The following TTC7B variants were observed in gnomAD, a reference collection of about 807,000 sequenced individuals.
The protein encoded by TTC7B is tetratricopeptide repeat domain 7B, also known as tetratricopeptide repeat protein 7B.
TTC7B carries 28 observed loss-of-function variants against 106.8 expected under a neutral mutation model. The observed-to-expected ratio is 0.26, with a 90% confidence interval of 0.19 to 0.36. The LOEUF (loss-of-function observed/expected upper bound fraction) is 0.36, where lower values mean the gene tolerates loss of function less well. Ranked by LOEUF, TTC7B falls within the 10% of genes least tolerant of loss-of-function variation. The pLI, the probability that TTC7B is intolerant of heterozygous loss-of-function variation, is 1.00. For missense variants in TTC7B, 862 were observed against 1,076.4 expected (o/e 0.80, Z 2.79); for synonymous variants, 405 against 430.6 (o/e 0.94, Z 0.74).
intron 14 of TTC7B, among the ~76,000 whole-genome samples, chr14:90,645,573 C>T (rs1274126144): frequency 1.3e-5 from 2 of 152,200 alleles, no homozygotes; most frequent in African/African-American, 4.8e-5. Context: ...CTGCCACACC[C>T]ACAAGGCTCC....
chr14:90,799,307 G>T (rs2030100904), intron 1 of TTC7B, among the ~76,000 whole-genome samples: 1 of 152,174 alleles, frequency 6.6e-6, no homozygotes, highest in Admixed American at 6.6e-5. Flanking sequence ...GGGTCCTGGT[G>T]GCACTTTGCA....
chr14:90,549,866 A>C (rs1890002952), intron 19 of TTC7B, among the ~76,000 whole-genome samples: 1 of 152,202 alleles, frequency 6.6e-6, no homozygotes. Context: ...CAGATCGCCC[A>C]GCATATTTGT....
At chr14:90,771,037 G>A (rs1890846377) in intron 3 of TTC7B, among the ~76,000 whole-genome samples, 1 of 152,146 alleles carries the variant, frequency 6.6e-6, no homozygotes, top group South Asian at 2.1e-4. Context: ...TCTTCCAGTG[G>A]CTGGGGGTGG....
At chr14:90,643,825 C>T (rs1264794660) in intron 15 of TTC7B, among the ~76,000 whole-genome samples, 2 of 152,108 alleles carry the variant, frequency 1.3e-5, no homozygotes, top group African/African-American at 4.8e-5. Context: ...TCAGGTGATC[C>T]ACCCACCTCG....
chr14:90,656,781 T>C (rs1033314551), intron 11 of TTC7B, among the ~76,000 whole-genome samples: 9 of 152,188 alleles, frequency 5.9e-5, no homozygotes, highest in African/African-American at 2.2e-4. Flanking sequence ...AGCAAGACCC[T>C]GTCTCAAAAA....
chr14:90,609,398 A>T (rs1332302582), intron 17 of TTC7B, among the ~76,000 whole-genome samples: 1 of 152,226 alleles, frequency 6.6e-6, no homozygotes, highest in Non-Finnish European at 1.5e-5. Flanking sequence ...AATTTGGTAC[A>T]AGGGAGCCTA....
rs1892846733 is a variant in TTC7B, at chr14:90,610,919, T to C, written c.1869-80A>G. ...AAGAGAGGCAACCAATACTGACTCC[T>C]GAAGGCCAATGAATACTTTCTGTGC... is the stretch of plus-strand genomic sequence containing the variant. On this transcript the variant is annotated intron_variant, in intron 16 of 19. Coordinates refer to ENST00000328459, the MANE Select transcript of TTC7B (RefSeq NM_001010854.2). 6 of 884,086 alleles carry C rather than the reference T, an allele frequency of 6.8e-6. No individual in the cohort carries two copies. The Admixed American group carries it at 8.7e-5, about 13-fold the overall frequency. The allele number at this position is 884,086 out of a possible 1,614,324, so 54.8% of individuals were successfully genotyped here.
At position 90,807,741 on chromosome 14, in the gene TTC7B, G is replaced by A. The variant is rs1476403469; in HGVS notation, c.121+8434C>T. 6.6e-6 allele frequency among the ~76,000 whole-genome samples: 1 copy of A among 152,172 alleles called. No individual in the cohort carries two copies. Among genetic ancestry groups the A allele is most frequent in the Non-Finnish European group, 1.5e-5 (1 of 68,028 alleles). On this transcript the variant is annotated intron_variant, in intron 1 of 19. Transcript: ENST00000328459. The surrounding 1 kb of genome is among the most constrained non-coding windows in gnomAD (Gnocchi z 4.1). ...TGTAGATTTCCAGCTTCTACCTTGG[G>A]CCGAGAGAATCACCACCCTCAGCCA...
intron 9 of TTC7B, among the ~76,000 whole-genome samples, chr14:90,664,055 A>G (rs900556325): frequency 6.6e-6 from 1 of 152,168 alleles, no homozygotes; most frequent in Non-Finnish European, 1.5e-5. Flanking sequence ...CTGCCAAAAA[A>G]ATGCACCCAT....
chr14:90,772,046 C>T (rs1234397395), intron 3 of TTC7B, among the ~76,000 whole-genome samples: 2 of 148,596 alleles, frequency 1.3e-5, no homozygotes, highest in East Asian at 3.9e-4. Context: ...ATTTTCCAAA[C>T]AGCCTACACT....
intron 4 of TTC7B, among the ~76,000 whole-genome samples, chr14:90,744,078 C>T (rs1486845489): frequency 2.0e-5 from 3 of 152,252 alleles, no homozygotes; most frequent in East Asian, 1.9e-4. Flanking sequence ...CTTCGGTCCA[C>T]GTCCCCAGCA....
chr14:90,625,721 A>G (rs1041247530), intron 15 of TTC7B, among the ~76,000 whole-genome samples: 2 of 152,216 alleles, frequency 1.3e-5, no homozygotes, highest in African/African-American at 4.8e-5. Context: ...GACCATTCCC[A>G]CTAGATACCA....
intron 14 of TTC7B, among the ~76,000 whole-genome samples, chr14:90,646,526 G>A (rs752588285): frequency 1.4e-4 from 21 of 152,290 alleles, no homozygotes; most frequent in Middle Eastern, 3.4e-3. Flanking sequence ...GCATCTTCCT[G>A]CCAATCAATG....
chr14:90,735,498 C>A (rs1225524975), intron 4 of TTC7B, among the ~76,000 whole-genome samples: 4 of 150,000 alleles, frequency 2.7e-5, no homozygotes, highest in African/African-American at 9.8e-5. Context: ...CAGAGTGAGA[C>A]CTTGTCTCAA....
intron 15 of TTC7B, among the ~76,000 whole-genome samples, chr14:90,622,763 C>G (rs534908785): frequency 6.6e-6 from 1 of 152,100 alleles, no homozygotes; most frequent in Non-Finnish European, 1.5e-5. Flanking sequence ...ATTTTGTTCA[C>G]AGACTCATTA....
intron 19 of TTC7B, among the ~76,000 whole-genome samples, chr14:90,576,975 C>T (rs574894644): frequency 2.8e-4 from 43 of 152,220 alleles, no homozygotes; most frequent in African/African-American, 9.4e-4. Context: ...AGCTTAGGGG[C>T]CTTTCCTGAG....
intron 17 of TTC7B, among the ~76,000 whole-genome samples, chr14:90,598,908 G>A (rs1892319843): frequency 6.6e-6 from 1 of 152,240 alleles, no homozygotes; most frequent in South Asian, 2.1e-4. Context: ...AGCACTTTGG[G>A]AGGCTGAGGC....
At chr14:90,715,938 C>T (rs1490605340) in intron 5 of TTC7B, among the ~76,000 whole-genome samples, 1 of 152,232 alleles carries the variant, frequency 6.6e-6, no homozygotes, top group East Asian at 1.9e-4. Flanking sequence ...CCTTCTCCCC[C>T]AGTACAGACC....
At chr14:90,717,349 A>G (rs913790676) in intron 5 of TTC7B, among the ~76,000 whole-genome samples, 2 of 152,132 alleles carry the variant, frequency 1.3e-5, no homozygotes, top group East Asian at 1.9e-4. Flanking sequence ...AAAAAAAAAA[A>G]AAAAGAAAAG....
Sources: allele counts gnomAD v4.1 joint callset (sites outside exome capture counted in the v4.1 genomes callset), GRCh38; gene constraint gnomAD v4.1.1; non-coding constraint Gnocchi (gnomAD v3.1); transcripts MANE v1.5; gene names NCBI Gene and HGNC (gene_info 2026-07-23, HGNC 2026-07-21).